The following ABCC8 variants were observed in gnomAD, a reference collection of about 807,000 sequenced individuals.
The protein encoded by ABCC8 is ATP binding cassette subfamily C member 8.
ABCC8 carries 137 observed loss-of-function variants against 188.0 expected under a neutral mutation model. That is an observed-to-expected ratio of 0.73 (90% CI 0.63 to 0.84). The LOEUF is 0.84. ABCC8 is among the 40% of genes least tolerant of loss of function. The pLI, the probability that ABCC8 is intolerant of heterozygous loss-of-function variation, is 0.00. For synonymous variants in ABCC8, 797 were observed against 846.5 expected, an observed-to-expected ratio of 0.94 and a Z score of 1.01; for missense variants, 1,750 against 2,072.7, an observed-to-expected ratio of 0.84 and a Z score of 3.02.
At chr11:17,431,116 C>T in intron 11 of ABCC8, 157 bp from the exon 12 acceptor site, 1 of 1,239,182 alleles carries the variant, frequency 8.1e-7, no homozygotes, top group Non-Finnish European at 1.1e-6. Flanking sequence ...TCCCCACAGT[C>T]ATCTCATGGA....
intron 4 of ABCC8, among the ~76,000 whole-genome samples, chr11:17,463,081 C>T (rs4148610): frequency 6.6e-6 from 1 of 151,864 alleles, no homozygotes; most frequent in East Asian, 1.9e-4. Flanking sequence ...ATTCATTTAC[C>T]AGCGTGACGA....
chr11:17,460,648 G>A lies in ABCC8; in HGVS notation c.851C>T (p.Ala284Val), dbSNP rs1957155307. ...VRKDIQGTQG[A>V]RAIWQALSHA... ...GCTGAGTGCCTGCCAGATGGCCCGG[G>A]CACCTTGAGTGCCCTGAATGTCCTT... The change falls in exon 6 of 39, where the codon GCC (alanine) becomes GTC (valine). Residue 284 changes from alanine (A) to valine (V), a missense_variant. Physicochemically the swap from Ala to Val is moderately conservative, Grantham distance 64. Transcript: ENST00000389817. The A allele has an allele frequency of 2.5e-6, 4 of 1,610,966 alleles. No individual in the cohort carries two copies. The highest frequency in any genetic ancestry group is 3.4e-6 in the Non-Finnish European group (4 of 1,180,016).
chr11:17,455,064 T>C (rs1232666332), intron 6 of ABCC8, among the ~76,000 whole-genome samples: 3 of 152,194 alleles, frequency 2.0e-5, no homozygotes, highest in African/African-American at 4.8e-5. Context: ...CAACACATCA[T>C]GAGAATTTAT....
chr11:17,441,644 G>A (rs1195534276), intron 10 of ABCC8, among the ~76,000 whole-genome samples: 1 of 152,114 alleles, frequency 6.6e-6, no homozygotes, highest in Non-Finnish European at 1.5e-5. Context: ...ACCACCATGG[G>A]ATGGGTCCAC....
chr11:17,476,841 C>T lies in ABCC8; in HGVS notation c.-65G>A. On this transcript the variant is annotated 5_prime_UTR_variant, in exon 1 of 39. Coordinates refer to ENST00000389817, the MANE Select transcript of ABCC8 (RefSeq NM_000352.6). ...CCGCTGGCTCCGCGCGCCTGCCGCG[C>T]CTCTGTCCCTTGCAGCTCCGCCGCC... The T allele has an allele frequency of 2.2e-6, 3 of 1,357,848 alleles. No individual in the cohort carries two copies. Among genetic ancestry groups the T allele is most frequent in the Non-Finnish European group, 1.9e-6 (2 of 1,056,866 alleles). 84.1% of individuals were successfully genotyped at this position (1,357,848 alleles called of 1,614,324 possible).
At position 17,427,846 on chromosome 11, in the gene ABCC8, G is replaced by T; in HGVS notation, c.2116+21C>A. The T allele has an allele frequency of 6.2e-7, 1 of 1,613,712 alleles. No individual in the cohort carries two copies. Among genetic ancestry groups the T allele is most frequent in the Non-Finnish European group, 8.5e-7 (1 of 1,179,848 alleles). On this transcript the variant is annotated intron_variant, in intron 15 of 38. Transcript: ENST00000389817. This position sits in a 1 kb window ranked among gnomAD's most constrained non-coding sequence, Gnocchi z 5.0. ...GTGGGACATGGGGAGGGGCATGCTG[G>T]AGGGGTGGACTGGGCCATACCTCGG...
At chr11:17,472,008 C>T (rs775267008) in intron 2 of ABCC8, among the ~76,000 whole-genome samples, 7 of 152,160 alleles carry the variant, frequency 4.6e-5, no homozygotes, top group Admixed American at 3.9e-4. Context: ...AAAACTCTTG[C>T]CTCTTTACTC....
At chr11:17,465,280 G>A (rs1370434529) in intron 3 of ABCC8, 1 of 152,274 alleles carries the variant, frequency 6.6e-6, no homozygotes, top group Non-Finnish European at 1.5e-5. Context: ...CTTAGTGAGA[G>A]CTGCCTACAG....
At chr11:17,395,428 T>C (rs1217214321) in intron 35 of ABCC8, 153 bp from the exon 36 acceptor site, 2 of 1,492,296 alleles carry the variant, frequency 1.3e-6, no homozygotes, top group South Asian at 2.6e-5. Context: ...GACAGCATCT[T>C]AGACCCATGG....
chr11:17,443,424 C>T (rs1383785126), intron 8 of ABCC8, 112 bp from the exon 9 acceptor site: 76 of 1,575,642 alleles, frequency 4.8e-5, no homozygotes, highest in Non-Finnish European at 6.2e-5. Context: ...GCCTTGGTGC[C>T]CAGGTTTCCA....
At chr11:17,425,085 C>T (rs1955521081) in intron 16 of ABCC8, among the ~76,000 whole-genome samples, 1 of 152,222 alleles carries the variant, frequency 6.6e-6, no homozygotes, top group Non-Finnish European at 1.5e-5. Flanking sequence ...CTCCTCCCTC[C>T]AAAGGCTGGA....
rs569195771 is a variant in ABCC8 at position 17,432,724 on chromosome 11, G to C, written c.1631-480C>G. Among the ~76,000 whole-genome samples, 5 of 152,286 alleles carry C rather than the reference G, an allele frequency of 3.3e-5. No homozygotes were observed. In the South Asian group the frequency reaches 8.3e-4, roughly 25 times the overall value. On this transcript the variant is annotated intron_variant, in intron 10 of 38. Coordinates refer to ENST00000389817, the MANE Select transcript of ABCC8 (RefSeq NM_000352.6). Reference sequence around the variant, plus strand: ...CAAACTCATTCTCACTGAGGTATTAGTAACTAAGGACAGCTTAAAGCAGGA... The same window carrying C: ...CAAACTCATTCTCACTGAGGTATTACTAACTAAGGACAGCTTAAAGCAGGA...
chr11:17,447,183 C>G (rs958593445), intron 8 of ABCC8, among the ~76,000 whole-genome samples: 1 of 152,206 alleles, frequency 6.6e-6, no homozygotes, highest in Non-Finnish European at 1.5e-5. Flanking sequence ...CCTTCCCGCC[C>G]TCTGGGAATG....
At chr11:17,473,912 C>G (rs1848618206) in intron 2 of ABCC8, among the ~76,000 whole-genome samples, 1 of 152,216 alleles carries the variant, frequency 6.6e-6, no homozygotes, top group Non-Finnish European at 1.5e-5. Context: ...CTGAGATGCC[C>G]CAACCTGGGT....
chr11:17,395,233 C>G lies in ABCC8; in HGVS notation c.4350G>C (p.Leu1450=). The G allele has an allele frequency of 6.3e-7, 1 of 1,599,614 alleles. No homozygotes were observed. The highest frequency in any genetic ancestry group is 8.5e-7 in the Non-Finnish European group (1 of 1,172,046). Reference sequence around the variant, plus strand: ...GCTGGGCGATTTCCAGGGCCTCCCACAGTGTGCTATCTGAGCACTTCCTCT... The same window carrying G: ...GCTGGGCGATTTCCAGGGCCTCCCAGAGTGTGCTATCTGAGCACTTCCTCT... ...DPERKCSDST[L]WEALEIAQLK... The change falls in exon 36 of 39, where the codon CTG becomes CTC. Residue 1450 remains leucine, a synonymous_variant. Coordinates refer to ENST00000389817, the MANE Select transcript of ABCC8 (RefSeq NM_000352.6).
intron 12 of ABCC8, 107 bp from the exon 13 acceptor site, chr11:17,428,777 T>C (rs1209729990): frequency 1.0e-5 from 16 of 1,548,292 alleles, no homozygotes; most frequent in Non-Finnish European, 1.3e-5. Context: ...GCCTGAAGTA[T>C]AGTCCCACAA....
At chr11:17,423,811 T>C (rs941513380) in intron 16 of ABCC8, among the ~76,000 whole-genome samples, 2 of 152,236 alleles carry the variant, frequency 1.3e-5, no homozygotes, top group Non-Finnish European at 2.9e-5. Context: ...AGGCTAGCTA[T>C]GCCTTCTTCA....
At chr11:17,398,783 T>G (rs1037841880) in intron 29 of ABCC8, among the ~76,000 whole-genome samples, 3 of 152,096 alleles carry the variant, frequency 2.0e-5, no homozygotes, top group African/African-American at 7.2e-5. Flanking sequence ...CTCTTATGTC[T>G]CTCTCTAAAA....
chr11:17,436,208 A>G, intron 10 of ABCC8: 1 of 664,650 alleles, frequency 1.5e-6, no homozygotes, highest in South Asian at 1.5e-5. Context: ...GATGGAAGTG[A>G]CCAGCTACTT....
Sources: allele counts gnomAD v4.1 joint callset (sites outside exome capture counted in the v4.1 genomes callset), GRCh38; gene constraint gnomAD v4.1.1; non-coding constraint Gnocchi (gnomAD v3.1); transcripts MANE v1.5; gene names NCBI Gene and HGNC (gene_info 2026-07-23, HGNC 2026-07-21).